STYXL1: variants seen among roughly 807,000 people sequenced by gnomAD.
The protein encoded by STYXL1 is serine/threonine/tyrosine-interacting-like protein 1.
Under a neutral mutation model 36.4 loss-of-function variants are expected in STYXL1, and 32 were observed. The observed-to-expected ratio is 0.88, with a 90% CI of 0.66 to 1.18. The LOEUF is 1.18. Among genes scored for constraint, STYXL1 ranks in the 50% most tolerant of loss-of-function variants. The pLI, the probability that STYXL1 is intolerant of heterozygous loss-of-function variation, is 0.00. For missense variants in STYXL1, 354 were observed against 394.1 expected (o/e 0.90, Z 0.86); for synonymous variants, 133 against 144.1 (o/e 0.92, Z 0.55).
chr7:76,004,745 T>C (rs1238804101), intron 6 of STYXL1, among the ~76,000 whole-genome samples: 1 of 151,072 alleles, frequency 6.6e-6, no homozygotes, highest in Non-Finnish European at 1.5e-5. Flanking sequence ...CTCATGCCTG[T>C]AATCCCAGCA....
At chr7:76,005,087 C>T (rs1791489308) in intron 6 of STYXL1, among the ~76,000 whole-genome samples, 172 bp downstream of exon 6, 1 of 147,366 alleles carries the variant, frequency 6.8e-6, no homozygotes, top group Admixed American at 6.7e-5. Flanking sequence ...TTAATGGGTG[C>T]AGCACACCAA....
intron 1 of STYXL1, among the ~76,000 whole-genome samples, chr7:76,033,926 G>A (rs1469165750): frequency 2.0e-5 from 3 of 152,160 alleles, no homozygotes; most frequent in Non-Finnish European, 4.4e-5. Flanking sequence ...TAGCTTCTCT[G>A]TGCCTCAGTC....
At chr7:76,046,067 T>C (rs1253012687) in intron 1 of STYXL1, 1 of 152,258 alleles carries the variant, frequency 6.6e-6, no homozygotes, top group African/African-American at 2.4e-5. Context: ...CCCTGAATAC[T>C]GGCCTATGCT....
chr7:76,043,590 G>A (rs1796687678), intron 1 of STYXL1, among the ~76,000 whole-genome samples: 1 of 152,044 alleles, frequency 6.6e-6, no homozygotes, highest in African/African-American at 2.4e-5. Flanking sequence ...GGGAACTGGA[G>A]GTAAGAAAGA....
intron 3 of STYXL1, among the ~76,000 whole-genome samples, chr7:76,023,224 CACGA>C (rs1563498449): frequency 6.6e-6 from 1 of 152,128 alleles, no homozygotes; most frequent in African/African-American, 2.4e-5. Context: ...AGGCTTAAGT[CACGA>C]ACCCCAGCAA....
chr7:76,008,071 C>T lies in STYXL1; in HGVS notation c.454-2667G>A, dbSNP rs552106983. On this transcript the variant is annotated intron_variant, in intron 5 of 8. Transcript: ENST00000359697. ...AAAATTAGCCAGGTGTGACAGTGCA[C>T]GCCTGTAATCCCAGCTACTCGGGAG... Among the ~76,000 whole-genome samples, 6 of 151,118 alleles carry T rather than the reference C, an allele frequency of 4.0e-5. No homozygotes were observed. The South Asian group carries it at 8.4e-4, about 21-fold the overall frequency.
intron 5 of STYXL1, among the ~76,000 whole-genome samples, chr7:76,005,864 A>T: frequency 9.1e-6 from 1 of 110,240 alleles, no homozygotes; most frequent in East Asian, 2.4e-4. Flanking sequence ...AGGAGAGAGG[A>T]GGAAGAGAGA....
chr7:76,046,142 A>G (rs1796934583), intron 1 of STYXL1, among the ~76,000 whole-genome samples: 1 of 151,660 alleles, frequency 6.6e-6, no homozygotes, highest in Admixed American at 6.6e-5. Context: ...AACATTTCCC[A>G]TTGTTAAATG....
rs527448614 is a variant in STYXL1, at chr7:76,028,409, G to A, written c.165+233C>T. 1.6e-3 allele frequency among the ~76,000 whole-genome samples: 249 copies of A among 152,070 alleles called. 1 individual carries two copies. The highest frequency in any genetic ancestry group is 2.9e-3 in the Non-Finnish European group (198 of 67,980). On this transcript the variant is annotated intron_variant, in intron 3 of 8. Transcript: ENST00000359697. ...CAGCCTGGATGACAGAGCGAGACCC[G>A]GTCTCAAAAATTAAATCAGTATTTG...
intron 1 of STYXL1, among the ~76,000 whole-genome samples, chr7:76,041,793 C>T (rs1178829966): frequency 3.9e-5 from 6 of 152,122 alleles, no homozygotes; most frequent in African/African-American, 1.2e-4. Flanking sequence ...TTTTCCTATC[C>T]GATGACAAAT....
intron 4 of STYXL1, among the ~76,000 whole-genome samples, chr7:76,015,743 T>C (rs1485105287): frequency 6.6e-6 from 1 of 152,196 alleles, no homozygotes; most frequent in Non-Finnish European, 1.5e-5. Flanking sequence ...GTACTGATCC[T>C]GGGCGTGTCT....
chr7:76,002,958 C>A (rs966387059), intron 7 of STYXL1, among the ~76,000 whole-genome samples: 1 of 152,100 alleles, frequency 6.6e-6, no homozygotes, highest in Non-Finnish European at 1.5e-5. Flanking sequence ...ATGGTTGGGC[C>A]AAAATGCCAT....
chr7:76,034,473 G>C (rs1424598620), intron 1 of STYXL1, among the ~76,000 whole-genome samples: 5 of 151,900 alleles, frequency 3.3e-5, no homozygotes, highest in African/African-American at 1.2e-4. Context: ...TTCTTCCCCA[G>C]ACACTCTCCC....
chr7:76,005,381 G>T lies in STYXL1; in HGVS notation c.477C>A (p.Tyr159Ter). ...CCTTCCCTGGCACGATTTCAATGGG[G>T]TATGGCTGAAATGCATCCAGTTCCT... ...MPQELDAFQP[Y>*]PIEIVPGKVF... The change falls in exon 6 of 9, where the codon TAC becomes TAA. Residue 159 changes from tyrosine to a stop codon, truncating the protein, a stop_gained. Coordinates refer to ENST00000359697, the MANE Select transcript of STYXL1 (RefSeq NM_001317785.2). LOFTEE classifies it high-confidence loss of function. 6.2e-7 allele frequency: 1 copy of T among 1,612,842 alleles called. No homozygotes were observed. The highest frequency in any genetic ancestry group is 1.3e-5 in the African/African-American group (1 of 74,986).
At chr7:75,996,744 G>A in intron 8 of STYXL1, 145 bp from the exon 9 acceptor site, 1 of 747,784 alleles carries the variant, frequency 1.3e-6, no homozygotes. Flanking sequence ...AGGGCAGCCT[G>A]GCATGAATGC....
At position 75,996,485 on chromosome 7, in the gene STYXL1, T is replaced by C. The variant is rs1184713488; in HGVS notation, c.925A>G (p.Met309Val). 19 of 1,614,070 alleles carry C rather than the reference T, an allele frequency of 1.2e-5. No homozygotes were observed. Among genetic ancestry groups the C allele is most frequent in the Non-Finnish European group, 1.6e-5 (19 of 1,180,032 alleles). Residue 309 changes from methionine (M) to valine (V), a missense_variant, in exon 9 of 9, where the codon ATG becomes GTG. Met to Val is a conservative substitution (Grantham distance 21). Transcript: ENST00000359697. ...TILGDSITNIMDPLY is the reference protein window; with the variant it reads ...TILGDSITNIVDPLY ...GGAGAAGATCAGTAGAGCGGATCCA[T>C]GATGTTTGTGATGGAATCTCCAAGG...
rs200485836 is a variant in STYXL1, at chr7:76,005,848, GA to G, written c.454-445del. On this transcript the variant is annotated intron_variant, in intron 5 of 8. Transcript: ENST00000359697. ...GGAGGAAGAGAGAGGAGGAGGAAGA[GA>G]GAGGAGGAGAGAGGAGGAAGAGAGA... is the stretch of plus-strand genomic sequence containing the variant. Among the ~76,000 whole-genome samples the G allele has an allele frequency of 3.5e-3, 73 of 20,712 alleles. No individual in the cohort carries two copies. The East Asian group carries it at 0.062, about 18-fold the overall frequency. 13.6% of individuals were successfully genotyped at this position (20,712 alleles called of 152,430 possible).
At position 76,005,407 on chromosome 7, in the gene STYXL1, G is replaced by A; in HGVS notation, c.454-3C>T. The A allele has an allele frequency of 6.2e-7, 1 of 1,606,990 alleles. No homozygotes were observed. The highest frequency in any genetic ancestry group is 8.5e-7 in the Non-Finnish European group (1 of 1,174,906). ...TATGGCTGAAATGCATCCAGTTCCTGAAGTGTGGAGGGAGAAAGGCAGCTA... is the reference window on the plus strand; with the variant it reads ...TATGGCTGAAATGCATCCAGTTCCTAAAGTGTGGAGGGAGAAAGGCAGCTA... On this transcript the variant is annotated splice_polypyrimidine_tract_variant and splice_region_variant and intron_variant, in intron 5 of 8. Coordinates refer to ENST00000359697, the MANE Select transcript of STYXL1 (RefSeq NM_001317785.2).
chr7:75,999,499 GTGTGTGTGTGTA>G (rs1270364362), intron 8 of STYXL1, among the ~76,000 whole-genome samples: 9 of 79,800 alleles, frequency 1.1e-4, no homozygotes, highest in South Asian at 8.9e-4. Flanking sequence ...TGTTGTGTGT[GTGTGTGTGTGTA>G]TGTGTGTGTG....
Sources: allele counts gnomAD v4.1 joint callset (sites outside exome capture counted in the v4.1 genomes callset), GRCh38; gene constraint gnomAD v4.1.1; transcripts MANE v1.5; gene names NCBI Gene and HGNC (gene_info 2026-07-23, HGNC 2026-07-21).